BRINP1: variants seen among roughly 807,000 people sequenced by gnomAD.
BRINP1 encodes BMP/retinoic acid-inducible neural-specific protein 1.
A neutral mutation model predicts 72.9 loss-of-function variants in BRINP1; 17 were observed. The ratio of observed to expected loss-of-function variants is 0.23; its 90% confidence interval spans 0.16 to 0.35. The LOEUF (loss-of-function observed/expected upper bound fraction) is 0.35, where lower values mean the gene tolerates loss of function less well. Ranked by LOEUF, BRINP1 falls within the 10% of genes least tolerant of loss-of-function variation. The pLI is 1.00. For missense variants in BRINP1, 850 were observed against 1,001.6 expected, an observed-to-expected ratio of 0.85 and a Z score of 2.04; for synonymous variants, 418 against 378.5, an observed-to-expected ratio of 1.10 and a Z score of -1.21.
chr9:119,267,785 T>C (rs7852762), intron 2 of BRINP1, among the ~76,000 whole-genome samples: 1 of 152,026 alleles, frequency 6.6e-6, no homozygotes, highest in Non-Finnish European at 1.5e-5. Flanking sequence ...GGAGAACAGA[T>C]GAGAGCATGA....
At chr9:119,232,592 A>T (rs1323106910) in intron 5 of BRINP1, among the ~76,000 whole-genome samples, 2 of 152,150 alleles carry the variant, frequency 1.3e-5, no homozygotes, top group African/African-American at 4.8e-5. Flanking sequence ...TTATAAGCTC[A>T]AAATGATTCA....
intron 1 of BRINP1, among the ~76,000 whole-genome samples, chr9:119,320,499 C>A (rs1256664668): frequency 6.6e-6 from 1 of 152,122 alleles, no homozygotes; most frequent in Non-Finnish European, 1.5e-5. Flanking sequence ...GGGGAGGAAA[C>A]AAATGGGCAC....
intron 1 of BRINP1, among the ~76,000 whole-genome samples, chr9:119,319,609 A>T (rs1831163994): frequency 6.6e-6 from 1 of 152,224 alleles, no homozygotes. Context: ...GTATTTATTG[A>T]GCATCTACTA....
At chr9:119,325,623 C>T (rs1004032581) in intron 1 of BRINP1, among the ~76,000 whole-genome samples, 14 of 152,232 alleles carry the variant, frequency 9.2e-5, no homozygotes, top group African/African-American at 7.2e-5. Context: ...CTAACTCTCA[C>T]TTGGATTATC....
At chr9:119,208,547 G>A (rs1469453220) in intron 7 of BRINP1, among the ~76,000 whole-genome samples, 172 bp downstream of exon 7, 1 of 152,188 alleles carries the variant, frequency 6.6e-6, no homozygotes. Context: ...ACAATGTGGA[G>A]CCAGTAGGTG....
chr9:119,243,622 T>C (rs1830281901), intron 3 of BRINP1, among the ~76,000 whole-genome samples: 2 of 152,204 alleles, frequency 1.3e-5, no homozygotes, highest in South Asian at 4.1e-4. Context: ...CTTTGAGGAA[T>C]CACCACACTC....
chr9:119,214,801 C>T (rs745967916), intron 5 of BRINP1, among the ~76,000 whole-genome samples: 1 of 152,016 alleles, frequency 6.6e-6, no homozygotes, highest in African/African-American at 2.4e-5. Flanking sequence ...GGTTGAAAAG[C>T]AAGTAAGAGA....
chr9:119,271,628 C>T (rs1313530345), intron 2 of BRINP1, among the ~76,000 whole-genome samples: 2 of 151,540 alleles, frequency 1.3e-5, no homozygotes, highest in African/African-American at 4.9e-5. Context: ...ATGTCTACAA[C>T]ATATTTTTCA....
At chr9:119,218,656 C>T (rs2118882344) in intron 5 of BRINP1, among the ~76,000 whole-genome samples, 1 of 151,996 alleles carries the variant, frequency 6.6e-6, no homozygotes, top group East Asian at 1.9e-4. Flanking sequence ...AGTTCTGACA[C>T]ACTCGAGGGT....
At chr9:119,282,755 A>C in intron 2 of BRINP1, 1 of 975,720 alleles carries the variant, frequency 1.0e-6, no homozygotes. Context: ...CTTTATTTTC[A>C]AAAACCCCAA....
At chr9:119,244,056 A>G (rs1393666854) in intron 3 of BRINP1, among the ~76,000 whole-genome samples, 1 of 151,932 alleles carries the variant, frequency 6.6e-6, no homozygotes, top group Non-Finnish European at 1.5e-5. Flanking sequence ...TAGGACTTCT[A>G]TTTTTCTGTT....
intron 7 of BRINP1, among the ~76,000 whole-genome samples, chr9:119,183,576 T>C (rs537136258): frequency 6.6e-6 from 1 of 152,328 alleles, no homozygotes; most frequent in South Asian, 2.1e-4. Context: ...TTGTAAAGAT[T>C]CATCTTACTG....
chr9:119,238,908 C>G (rs1830218655), intron 4 of BRINP1, 148 bp from the exon 5 acceptor site: 2 of 563,962 alleles, frequency 3.5e-6, no homozygotes, highest in Non-Finnish European at 6.2e-6. Context: ...GTGCTTGTGT[C>G]TGGGACCAAG....
At chr9:119,212,762 G>C (rs1236387622) in intron 6 of BRINP1, among the ~76,000 whole-genome samples, 1 of 152,140 alleles carries the variant, frequency 6.6e-6, no homozygotes, top group Non-Finnish European at 1.5e-5. Context: ...TCTCTTCTTG[G>C]AAGTCTCAAG....
At chr9:119,312,594 G>A (rs1485660352) in intron 2 of BRINP1, among the ~76,000 whole-genome samples, 1 of 152,162 alleles carries the variant, frequency 6.6e-6, no homozygotes, top group Non-Finnish European at 1.5e-5. Context: ...AACCAGTACA[G>A]ACCTGCTTAA....
intron 2 of BRINP1, among the ~76,000 whole-genome samples, chr9:119,289,538 A>G (rs927832874): frequency 1.3e-5 from 2 of 152,232 alleles, no homozygotes; most frequent in African/African-American, 2.4e-5. Flanking sequence ...AAGGTAGGAA[A>G]GGTAAATTAG....
intron 1 of BRINP1, among the ~76,000 whole-genome samples, chr9:119,356,500 C>T (rs764198569): frequency 2.0e-5 from 3 of 152,110 alleles, no homozygotes; most frequent in Non-Finnish European, 2.9e-5. Context: ...AGGATGAGTG[C>T]TCAATAAACA....
intron 2 of BRINP1, among the ~76,000 whole-genome samples, chr9:119,258,728 T>C (rs913057596): frequency 6.6e-6 from 1 of 152,214 alleles, no homozygotes; most frequent in African/African-American, 2.4e-5. Context: ...CACTGTCTTA[T>C]TCCATTTTCT....
At chr9:119,222,755 A>G (rs1256947955) in intron 5 of BRINP1, among the ~76,000 whole-genome samples, 1 of 152,152 alleles carries the variant, frequency 6.6e-6, no homozygotes, top group Non-Finnish European at 1.5e-5. Context: ...AGGGACTTCC[A>G]AATGAGAATT....
Sources: gnomAD v4.1 joint callset for allele counts (sites outside exome capture counted in the v4.1 genomes callset) on GRCh38, gnomAD v4.1.1 for gene constraint, MANE v1.5 for transcripts, NCBI Gene and HGNC (gene_info 2026-07-23, HGNC 2026-07-21) for gene names.